Variants in PTPRD observed in about 807,000 individuals in gnomAD.
PTPRD encodes the protein receptor-type tyrosine-protein phosphatase delta.
PTPRD carries 34 observed loss-of-function variants against 214.5 expected under a neutral mutation model. That is an observed-to-expected ratio of 0.16 (90% CI 0.12 to 0.21). The LOEUF (loss-of-function observed/expected upper bound fraction) is 0.21, where lower values mean the gene tolerates loss of function less well. PTPRD is among the 10% of genes least tolerant of loss of function. PTPRD has a pLI of 1.00. For missense variants in PTPRD, 2,545 were observed against 2,398.7 expected (o/e 1.06, Z -1.27); for synonymous variants, 1,128 against 845.7 (o/e 1.33, Z -5.79).
chr9:9,826,953 G>C (rs943527920), intron 5 of PTPRD, among the ~76,000 whole-genome samples: 2 of 152,040 alleles, frequency 1.3e-5, no homozygotes, highest in Non-Finnish European at 2.9e-5. Context: ...CAAGGGATGT[G>C]AAGGACCTCT....
intron 10 of PTPRD, among the ~76,000 whole-genome samples, chr9:9,152,353 C>T (rs113181533): frequency 7.9e-4 from 121 of 152,250 alleles, no homozygotes; most frequent in Admixed American, 1.8e-3. Flanking sequence ...CCTGTATACC[C>T]AGGTAAAATT....
At chr9:8,908,489 T>A (rs1159543118) in intron 11 of PTPRD, among the ~76,000 whole-genome samples, 3 of 152,086 alleles carry the variant, frequency 2.0e-5, no homozygotes, top group African/African-American at 4.8e-5. Context: ...CATTTTTAAA[T>A]AACCCATGGG....
chr9:9,843,100 G>T (rs548753011), intron 5 of PTPRD, among the ~76,000 whole-genome samples: 1 of 152,078 alleles, frequency 6.6e-6, no homozygotes, highest in South Asian at 2.1e-4. Flanking sequence ...AAGGATTTTG[G>T]GCTATAATGT....
At chr9:9,273,987 C>T (rs543718080) in intron 9 of PTPRD, among the ~76,000 whole-genome samples, 2 of 151,402 alleles carry the variant, frequency 1.3e-5, no homozygotes, top group Admixed American at 1.3e-4. Flanking sequence ...TTCTACCTTA[C>T]ATCCTGCCAC....
chr9:10,034,503 G>A (rs1334762967), intron 3 of PTPRD, among the ~76,000 whole-genome samples: 1 of 146,506 alleles, frequency 6.8e-6, no homozygotes, highest in Non-Finnish European at 1.5e-5. Flanking sequence ...CGTTTGTTGT[G>A]CCTATTATTT....
At chr9:9,728,596 G>T (rs1487680219) in intron 7 of PTPRD, among the ~76,000 whole-genome samples, 2 of 152,082 alleles carry the variant, frequency 1.3e-5, no homozygotes. Flanking sequence ...TGGTGATTCA[G>T]GTCATTCCAG....
intron 4 of PTPRD, among the ~76,000 whole-genome samples, chr9:10,003,828 A>C (rs925011168): frequency 6.6e-6 from 1 of 151,804 alleles, no homozygotes; most frequent in Admixed American, 6.6e-5. Flanking sequence ...ATTAAATTTC[A>C]AATTCTAAAT....
chr9:9,932,770 A>G (rs1349096577), intron 5 of PTPRD, among the ~76,000 whole-genome samples: 3 of 109,220 alleles, frequency 2.7e-5, no homozygotes, highest in Admixed American at 1.9e-4. Context: ...CAAGACACAT[A>G]ATTGTCAGAT....
chr9:9,811,195 C>T (rs1258429244), intron 5 of PTPRD, among the ~76,000 whole-genome samples: 1 of 152,074 alleles, frequency 6.6e-6, no homozygotes, highest in Non-Finnish European at 1.5e-5. Context: ...CAAGAATGAA[C>T]TCTGTCTCAA....
At chr9:10,511,942 ATATACGTGTGTGTATATATATATACGTG>A (rs1566640095) in intron 2 of PTPRD, among the ~76,000 whole-genome samples, 5 of 96,174 alleles carry the variant, frequency 5.2e-5, no homozygotes, top group South Asian at 4.0e-4. Context: ...GTGTATATAT[ATATACGTGTGTGTATATATATATACGTG>A]TGTGTGTATA....
chr9:10,453,953 AT>A (rs1242294916), intron 2 of PTPRD, among the ~76,000 whole-genome samples: 1 of 151,616 alleles, frequency 6.6e-6, no homozygotes, highest in African/African-American at 2.4e-5. Context: ...GGCCTTTATC[AT>A]GTTGAGGTTA....
intron 7 of PTPRD, among the ~76,000 whole-genome samples, chr9:9,580,385 T>G (rs1281981619): frequency 6.6e-6 from 1 of 152,104 alleles, no homozygotes; most frequent in Admixed American, 6.6e-5. Flanking sequence ...TGTCTTTTTG[T>G]TAATAGCCAT....
rs545809321 is a variant in PTPRD at position 9,486,023 on chromosome 9, C to T, written c.-236-88541G>A. Among the ~76,000 whole-genome samples, 102 of 151,774 alleles carry T rather than the reference C, an allele frequency of 6.7e-4. 1 individual carries two copies. The highest frequency in any genetic ancestry group is 2.2e-3 in the African/African-American group (90 of 41,394). ...AAAAATAGCAGGGCGTGGTGGCTTA[C>T]GCCTGTAGTCCCAGCTACTTGGGAG... On this transcript the variant is annotated intron_variant, in intron 8 of 45. Coordinates refer to ENST00000381196, the MANE Select transcript of PTPRD (RefSeq NM_002839.4).
At chr9:9,930,600 A>G (rs187678901) in intron 5 of PTPRD, among the ~76,000 whole-genome samples, 3 of 152,332 alleles carry the variant, frequency 2.0e-5, no homozygotes, top group Admixed American at 2.0e-4. Flanking sequence ...TATTGTGATT[A>G]TATAATGTAA....
At chr9:9,622,243 G>T (rs575728202) in intron 7 of PTPRD, among the ~76,000 whole-genome samples, 141 of 152,214 alleles carry the variant, frequency 9.3e-4, no homozygotes, top group African/African-American at 3.2e-3. Context: ...AATTCAGGGT[G>T]CTGACTGTCA....
chr9:9,407,772 C>G (rs1461515589), intron 8 of PTPRD, among the ~76,000 whole-genome samples: 1 of 151,764 alleles, frequency 6.6e-6, no homozygotes, highest in Non-Finnish European at 1.5e-5. Context: ...CACACATAAA[C>G]TCATTTCAGT....
At chr9:8,522,301 A>C (rs2097907251) in intron 19 of PTPRD, among the ~76,000 whole-genome samples, 1 of 152,132 alleles carries the variant, frequency 6.6e-6, no homozygotes, top group Admixed American at 6.5e-5. Flanking sequence ...ACCGCAGAAG[A>C]AATAAGGGGG....
At chr9:9,255,275 T>G (rs879580782) in intron 9 of PTPRD, among the ~76,000 whole-genome samples, 2 of 152,078 alleles carry the variant, frequency 1.3e-5, no homozygotes, top group Admixed American at 1.3e-4. Flanking sequence ...TATCATTGAT[T>G]TATTTTGACC....
At chr9:8,584,855 G>A (rs528287293) in intron 14 of PTPRD, among the ~76,000 whole-genome samples, 4 of 152,328 alleles carry the variant, frequency 2.6e-5, no homozygotes, top group East Asian at 3.9e-4. Flanking sequence ...CGTTGGAAGC[G>A]GAAGCAAACA....
Sources: allele counts gnomAD v4.1 joint callset (sites outside exome capture counted in the v4.1 genomes callset), GRCh38; gene constraint gnomAD v4.1.1; transcripts MANE v1.5; gene names NCBI Gene and HGNC (gene_info 2026-07-23, HGNC 2026-07-21).